The following ADK variants were observed in gnomAD, a reference collection of about 807,000 sequenced individuals.
ADK encodes the protein adenosine kinase, also known as N6,N6-dimethyladenosine kinase.
Under a neutral mutation model 44.7 loss-of-function variants are expected in ADK, and 24 were observed. That is an observed-to-expected ratio of 0.54 (90% CI 0.39 to 0.76). ADK has a LOEUF of 0.76. ADK is among the 30% of genes least tolerant of loss of function. The probability of loss-of-function intolerance (pLI) is 0.00; values close to 1 mark genes in which losing one functional copy is unlikely to be tolerated. For missense variants in ADK, 321 were observed against 425.1 expected (o/e 0.76, Z 2.15); for synonymous variants, 128 against 142.6 (o/e 0.90, Z 0.73).
At chr10:74,526,478 G>T (rs1228768282) in intron 7 of ADK, among the ~76,000 whole-genome samples, 1 of 152,096 alleles carries the variant, frequency 6.6e-6, no homozygotes, top group South Asian at 2.1e-4. Flanking sequence ...ATACAATGAA[G>T]GTATTGTATT....
chr10:74,419,271 A>G (rs1263744708), intron 6 of ADK, among the ~76,000 whole-genome samples: 1 of 152,118 alleles, frequency 6.6e-6, no homozygotes, highest in Non-Finnish European at 1.5e-5. Flanking sequence ...TTTGGTATGT[A>G]CAATATTTAA....
intron 6 of ADK, among the ~76,000 whole-genome samples, chr10:74,439,657 T>A (rs188598307): frequency 9.8e-5 from 15 of 152,294 alleles, no homozygotes; most frequent in Admixed American, 7.2e-4. Context: ...ACCTTTATAT[T>A]GAAAATGATT....
chr10:74,384,330 T>G (rs965049250), intron 4 of ADK, among the ~76,000 whole-genome samples: 4 of 151,754 alleles, frequency 2.6e-5, no homozygotes, highest in African/African-American at 9.7e-5. Flanking sequence ...TTAAGTGGAA[T>G]TAATTCTATG....
At chr10:74,485,537 G>A (rs1847237472) in intron 6 of ADK, among the ~76,000 whole-genome samples, 1 of 151,720 alleles carries the variant, frequency 6.6e-6, no homozygotes, top group East Asian at 1.9e-4. Flanking sequence ...AAATTCAAAT[G>A]TAATCCACAA....
At chr10:74,609,366 T>C (rs768922151) in intron 9 of ADK, among the ~76,000 whole-genome samples, 4 of 152,112 alleles carry the variant, frequency 2.6e-5, no homozygotes, top group Non-Finnish European at 5.9e-5. Context: ...GCCCTGGTGG[T>C]GTAGGTACCC....
chr10:74,382,357 C>A (rs1842998703), intron 4 of ADK, among the ~76,000 whole-genome samples: 1 of 152,176 alleles, frequency 6.6e-6, no homozygotes, highest in South Asian at 2.1e-4. Flanking sequence ...CCTCAGCCTC[C>A]CAAAATGCTG....
chr10:74,170,084 G>A (rs1842119316), intron 1 of ADK, among the ~76,000 whole-genome samples: 1 of 152,108 alleles, frequency 6.6e-6, no homozygotes, highest in African/African-American at 2.4e-5. Context: ...TTTTGGATAT[G>A]ATATAGATTC....
At chr10:74,569,121 G>A (rs1850824316) in intron 7 of ADK, among the ~76,000 whole-genome samples, 1 of 152,016 alleles carries the variant, frequency 6.6e-6, no homozygotes, top group Non-Finnish European at 1.5e-5. Context: ...ATTTTTTATG[G>A]CTGCATAGTA....
chr10:74,449,529 A>G (rs1176701226), intron 6 of ADK, among the ~76,000 whole-genome samples: 1 of 152,182 alleles, frequency 6.6e-6, no homozygotes. Flanking sequence ...ATTTTTGTGT[A>G]TTGTGCCTAT....
At chr10:74,436,742 C>G (rs1845191134) in intron 6 of ADK, among the ~76,000 whole-genome samples, 1 of 152,070 alleles carries the variant, frequency 6.6e-6, no homozygotes, top group Non-Finnish European at 1.5e-5. Flanking sequence ...GAACCTTGAC[C>G]TGATACAAAA....
At chr10:74,368,016 A>G (rs184893496) in intron 4 of ADK, among the ~76,000 whole-genome samples, 92 of 152,342 alleles carry the variant, frequency 6.0e-4, no homozygotes, top group Non-Finnish European at 1.1e-3. Context: ...TAAATTGTTA[A>G]AATACGGAAT....
chr10:74,562,287 G>A (rs1850491517), intron 7 of ADK, among the ~76,000 whole-genome samples: 1 of 152,052 alleles, frequency 6.6e-6, no homozygotes, highest in African/African-American at 2.4e-5. Context: ...AGACCACATG[G>A]CATTTTTAAA....
chr10:74,312,021 C>T (rs1357678441), intron 3 of ADK, among the ~76,000 whole-genome samples: 1 of 152,068 alleles, frequency 6.6e-6, no homozygotes, highest in Non-Finnish European at 1.5e-5. Flanking sequence ...GAAAAATTAG[C>T]TGGGCATGGT....
intron 3 of ADK, among the ~76,000 whole-genome samples, chr10:74,302,064 C>T (rs1444807644): frequency 8.7e-6 from 1 of 115,006 alleles, no homozygotes; most frequent in African/African-American, 3.5e-5. Context: ...TTTTTTAAAG[C>T]TTATTTTTGC....
chr10:74,499,905 G>A (rs181902853), intron 6 of ADK, among the ~76,000 whole-genome samples: 40 of 152,172 alleles, frequency 2.6e-4, no homozygotes, highest in African/African-American at 9.6e-4. Flanking sequence ...ACAATGGCAG[G>A]GATGTGTATG....
intron 4 of ADK, chr10:74,372,359 C>T (rs1842687439): frequency 2.7e-6 from 2 of 742,804 alleles, no homozygotes; most frequent in Non-Finnish European, 2.5e-6. Flanking sequence ...AAGGCTGGTC[C>T]ACAGCTCCCA....
intron 7 of ADK, among the ~76,000 whole-genome samples, chr10:74,538,257 A>C (rs932566028): frequency 1.4e-4 from 21 of 147,254 alleles, no homozygotes; most frequent in Non-Finnish European, 2.0e-4. Flanking sequence ...CCGTCTCACA[A>C]AAAAAAAAAA....
At chr10:74,683,439 A>G (rs1855686712) in intron 10 of ADK, among the ~76,000 whole-genome samples, 1 of 152,222 alleles carries the variant, frequency 6.6e-6, no homozygotes, top group South Asian at 2.1e-4. Flanking sequence ...TCCAGGGTGA[A>G]CATTGCATTG....
At chr10:74,299,093 A>G (rs531066346) in intron 3 of ADK, among the ~76,000 whole-genome samples, 1 of 152,348 alleles carries the variant, frequency 6.6e-6, no homozygotes, top group South Asian at 2.1e-4. Context: ...TGAAAAGTCG[A>G]TGAAACATCT....
Sources: allele counts gnomAD v4.1 joint callset (sites outside exome capture counted in the v4.1 genomes callset), GRCh38; gene constraint gnomAD v4.1.1; transcripts MANE v1.5; gene names NCBI Gene and HGNC (gene_info 2026-07-23, HGNC 2026-07-21).